Variants in STAB1 observed in about 807,000 individuals in gnomAD.
The protein encoded by STAB1 is stabilin 1, also known as stabilin-1.
In STAB1, 250 loss-of-function variants were observed where a neutral mutation model predicts 332.4. That is an observed-to-expected ratio of 0.75 (90% CI 0.68 to 0.84). The LOEUF (loss-of-function observed/expected upper bound fraction) is 0.84, where lower values mean the gene tolerates loss of function less well. Ranked by LOEUF, STAB1 falls within the 40% of genes least tolerant of loss-of-function variation. The pLI is 0.00. For synonymous variants in STAB1, 1,475 were observed against 1,390.4 expected, an observed-to-expected ratio of 1.06 and a Z score of -1.35; for missense variants, 3,249 against 3,489.7, an observed-to-expected ratio of 0.93 and a Z score of 1.74.
intron 21 of STAB1, 148 bp downstream of exon 21, chr3:52,508,507 A>G (rs1325601156): frequency 1.3e-6 from 1 of 743,574 alleles, no homozygotes; most frequent in Non-Finnish European, 2.3e-6. Flanking sequence ...GGATCAAATT[A>G]TTTCTCATAT....
chr3:52,517,600 C>T lies in STAB1; in HGVS notation c.4614C>T (p.Cys1538=), dbSNP rs776251701. The T allele has an allele frequency of 2.5e-5, 41 of 1,612,764 alleles. No homozygotes were observed. Among genetic ancestry groups the T allele is most frequent in the South Asian group, 8.8e-5 (8 of 91,078 alleles). Residue 1538 remains cysteine, a synonymous_variant, in exon 44 of 69, where the codon TGC becomes TGT. Coordinates refer to ENST00000321725, the MANE Select transcript of STAB1 (RefSeq NM_015136.3). ...ACAGCGGGGATGGCATCCGGACCTG[C>T]GAGCTCCTGGACCCCTGCTCTAAGG... is the stretch of plus-strand genomic sequence containing the variant. ...EGYSGDGIRT[C]ELLDPCSKNN...
chr3:52,499,905 A>AG (rs1327247639), intron 1 of STAB1, among the ~76,000 whole-genome samples: 1 of 146,438 alleles, frequency 6.8e-6, no homozygotes, highest in African/African-American at 2.5e-5. Context: ...TCTCAAAAAA[A>AG]AAAAAAAAAA....
chr3:52,512,559 C>A (rs1709372732), intron 27 of STAB1, 37 bp from the exon 28 acceptor site: 1 of 1,613,720 alleles, frequency 6.2e-7, no homozygotes, highest in African/African-American at 1.3e-5. Flanking sequence ...TGAATTTGCC[C>A]CTGGTCCTGT....
In STAB1 at chr3:52,508,298, T is replaced by C. The variant is rs1176934631; in HGVS notation, c.2174T>C (p.Phe725Ser). 3 of 1,613,508 alleles carry C rather than the reference T, an allele frequency of 1.9e-6. No individual in the cohort carries two copies. In the African/African-American group the frequency reaches 4.0e-5, roughly 22 times the overall value. ...IMEQGCCKGF[F>S]GPDCTQCPGG... ...GAACAAGGCTGCTGCAAAGGTTTTTTCGGGCCTGACTGCACGCAGTGTCCT... is the reference window on the plus strand; with the variant it reads ...GAACAAGGCTGCTGCAAAGGTTTTTCCGGGCCTGACTGCACGCAGTGTCCT... The change falls in exon 21 of 69, where the codon TTC (phenylalanine) becomes TCC (serine). Residue 725 changes from phenylalanine to serine, a missense_variant. Coordinates refer to ENST00000321725, the MANE Select transcript of STAB1 (RefSeq NM_015136.3).
intron 14 of STAB1, 79 bp downstream of exon 14, chr3:52,505,460 C>T: frequency 6.8e-7 from 1 of 1,463,550 alleles, no homozygotes; most frequent in South Asian, 1.2e-5. Context: ...GATTCTGCCC[C>T]ACAGTGACCT....
intron 63 of STAB1, 25 bp from the exon 64 acceptor site, chr3:52,523,189 CCTGCTCAT>C (rs779109833): frequency 1.1e-5 from 17 of 1,612,456 alleles, no homozygotes; most frequent in Non-Finnish European, 1.4e-5. Context: ...GAGGAGGGAG[CCTGCTCAT>C]AGTTCTGTCT....
rs1489836370 is a variant in STAB1, at chr3:52,523,348, C to T, written c.7140+7C>T. ...AGGCTTTGTGGACAACATGGTAACC[C>T]CCAAGGGTGTGGGCAGAGCAGAGCC... On this transcript the variant is annotated splice_region_variant and intron_variant, in intron 64 of 68. Transcript: ENST00000321725. 2.5e-6 allele frequency: 4 copies of T among 1,609,422 alleles called. No individual in the cohort carries two copies. Among genetic ancestry groups the T allele is most frequent in the South Asian group, 2.2e-5 (2 of 91,088 alleles).
At chr3:52,518,220 C>T (rs1182671619) in intron 45 of STAB1, 92 bp from the exon 46 acceptor site, 1 of 1,583,696 alleles carries the variant, frequency 6.3e-7, no homozygotes, top group African/African-American at 1.3e-5. Flanking sequence ...CTCATGTCTG[C>T]CTTGGCTAGA....
intron 52 of STAB1, 31 bp from the exon 53 acceptor site, chr3:52,520,369 C>T: frequency 6.2e-7 from 1 of 1,612,600 alleles, no homozygotes; most frequent in Non-Finnish European, 8.5e-7. Context: ...GCACCTGCGA[C>T]CCTTGCATAC....
Position 52,523,675 on chromosome 3 carries a change from C to T in STAB1, c.7314C>T (p.Ser2438=). Residue 2438 remains serine, a synonymous_variant, in exon 66 of 69, where the codon AGC becomes AGT. Transcript: ENST00000321725. The stretch of plus-strand genomic sequence containing the variant: ...AGGCCCCAGGGACAGTTGTGGTTAG[C>T]CGTATCATTGTGTGGGACATCATGG... ...APVAPGTVVV[S]RIIVWDIMAF... The T allele has an allele frequency of 6.2e-7, 1 of 1,612,856 alleles. No homozygotes were observed. Among genetic ancestry groups the T allele is most frequent in the Admixed American group, 1.7e-5 (1 of 60,022 alleles).
intron 19 of STAB1, 91 bp downstream of exon 19, chr3:52,507,766 G>C: frequency 6.4e-7 from 1 of 1,552,042 alleles, no homozygotes; most frequent in Non-Finnish European, 8.9e-7. Context: ...GGAAGCAGAG[G>C]CTGGGAGGCT....
rs201220741 is a variant in STAB1 at position 52,506,900 on chromosome 3, G to A, written c.1989+50G>A. ...GCCCTACTCACTAACCCCTGTCAGCGCTGGAGCGGCAATCCTCTTCCCAGG... is the reference window on the plus strand; with the variant it reads ...GCCCTACTCACTAACCCCTGTCAGCACTGGAGCGGCAATCCTCTTCCCAGG... On this transcript the variant is annotated intron_variant, in intron 18 of 68. Coordinates refer to ENST00000321725, the MANE Select transcript of STAB1 (RefSeq NM_015136.3). 1.0e-5 allele frequency: 16 copies of A among 1,592,378 alleles called. No individual in the cohort carries two copies. The East Asian group carries it at 1.1e-4, about 11-fold the overall frequency.
At chr3:52,511,341 T>C (rs979535550) in intron 25 of STAB1, among the ~76,000 whole-genome samples, 15 of 152,158 alleles carry the variant, frequency 9.9e-5, no homozygotes, top group African/African-American at 3.4e-4. Flanking sequence ...ACCTACACAC[T>C]TGCCACAAGC....
rs1245051020 is a variant in STAB1 at position 52,518,631 on chromosome 3, C to T, written c.4887+18C>T. 3.1e-6 allele frequency: 5 copies of T among 1,609,568 alleles called. No homozygotes were observed. Among genetic ancestry groups the T allele is most frequent in the Middle Eastern group, 3.3e-4 (2 of 6,058 alleles). Reference sequence around the variant, plus strand: ...TGTCGCAGGTATGCAGCCCCCAGAGCGAGGCTGGGCAGGGCTGGGTGCTCT... The same window carrying T: ...TGTCGCAGGTATGCAGCCCCCAGAGTGAGGCTGGGCAGGGCTGGGTGCTCT... On this transcript the variant is annotated intron_variant, in intron 47 of 68. Transcript: ENST00000321725.
chr3:52,519,251 G>GCCCCGCC lies in STAB1; in HGVS notation c.5035-9_5035-3dup, dbSNP rs1169919816. The GCCCCGCC allele has an allele frequency of 5.6e-6, 9 of 1,608,972 alleles. No individual in the cohort carries two copies. The highest frequency in any genetic ancestry group is 5.0e-5 in the Admixed American group (3 of 59,820). On this transcript the variant is annotated splice_polypyrimidine_tract_variant and intron_variant, in intron 48 of 68. Transcript: ENST00000321725. ...CACCTATCTGCTTCATCAGCCCCGTGCCCCGCCCCCAGGGCAGCATATACC... is the reference window on the plus strand; with the variant it reads ...CACCTATCTGCTTCATCAGCCCCGTGCCCCGCCCCCCGCCCCCAGGGCAGCATATACC...
At position 52,523,590 on chromosome 3, in the gene STAB1, C is replaced by T; in HGVS notation, c.7290+14C>T. ...TGGGCCCCTGTGGTGAGTCTGGCCA[C>T]TGTCCCACCCTGTTGGCCCTGGCCC... On this transcript the variant is annotated intron_variant, in intron 65 of 68. Transcript: ENST00000321725. 6.2e-7 allele frequency: 1 copy of T among 1,612,684 alleles called. No individual in the cohort carries two copies. Among genetic ancestry groups the T allele is most frequent in the East Asian group, 2.2e-5 (1 of 44,882 alleles).
At chr3:52,518,041 G>A (rs1437337656) in intron 45 of STAB1, 38 bp downstream of exon 45, 6 of 1,575,282 alleles carry the variant, frequency 3.8e-6, no homozygotes, top group Non-Finnish European at 5.2e-6. Flanking sequence ...TCTGGTCTTG[G>A]CTGTGCCCCA....
In STAB1 at chr3:52,519,330, C is replaced by T; in HGVS notation, c.5101C>T (p.Leu1701=). The T allele has an allele frequency of 6.2e-7, 1 of 1,613,146 alleles. No individual in the cohort carries two copies. ...CGACCATGAGGCCGTGAACGGCATC[C>T]TGCACTTCATTGACCGTGTCCTGCT... ...SSDHEAVNGI[L]HFIDRVLLPP... The change falls in exon 49 of 69, where the codon CTG becomes TTG. Residue 1701 remains leucine (L), a synonymous_variant. Coordinates refer to ENST00000321725, the MANE Select transcript of STAB1 (RefSeq NM_015136.3).
At chr3:52,517,172 T>A in intron 42 of STAB1, 63 bp downstream of exon 42, 1 of 1,508,212 alleles carries the variant, frequency 6.6e-7, no homozygotes, top group Non-Finnish European at 8.8e-7. Flanking sequence ...GTGATCTGAG[T>A]CAGATTAGGA....
Sources: allele counts gnomAD v4.1 joint callset (sites outside exome capture counted in the v4.1 genomes callset), GRCh38; gene constraint gnomAD v4.1.1; transcripts MANE v1.5; gene names NCBI Gene and HGNC (gene_info 2026-07-23, HGNC 2026-07-21).